The following NFIB variants were observed in gnomAD, a reference collection of about 807,000 sequenced individuals.
NFIB encodes the protein nuclear factor 1 B-type.
A neutral mutation model predicts 61.5 loss-of-function variants in NFIB; 11 were observed. The observed-to-expected ratio is 0.18, with a 90% CI of 0.11 to 0.30. The LOEUF (loss-of-function observed/expected upper bound fraction) is 0.30. Ranked by LOEUF, NFIB falls within the 10% of genes least tolerant of loss-of-function variation. The pLI is 1.00. For missense variants in NFIB, 471 were observed against 608.9 expected (o/e 0.77, Z 2.38); for synonymous variants, 260 against 216.5 (o/e 1.20, Z -1.76).
chr9:14,169,505 C>G (rs899655517), intron 3 of NFIB, among the ~76,000 whole-genome samples: 1 of 152,062 alleles, frequency 6.6e-6, no homozygotes, highest in African/African-American at 2.4e-5. Context: ...CTTCTATGAT[C>G]AATGACATTA....
At chr9:14,134,028 C>A (rs546251551) in intron 6 of NFIB, among the ~76,000 whole-genome samples, 1 of 152,266 alleles carries the variant, frequency 6.6e-6, no homozygotes, top group East Asian at 1.9e-4. Context: ...ACAAATGGAG[C>A]TATCCTGGCT....
intron 10 of NFIB, among the ~76,000 whole-genome samples, chr9:14,091,459 A>G (rs1022216850): frequency 1.1e-4 from 17 of 152,188 alleles, no homozygotes; most frequent in Non-Finnish European, 2.2e-4. Context: ...AAATAAACAC[A>G]CAAAAACAAA....
chr9:14,226,550 A>G (rs114222085), intron 2 of NFIB, among the ~76,000 whole-genome samples: 3,803 of 112,712 alleles, frequency 0.034, 70 homozygotes, highest in African/African-American at 0.072. Flanking sequence ...CCTATCTCAG[A>G]AAAAAAAAAA....
the NFIB span, among the ~76,000 whole-genome samples, chr9:14,482,730 T>C: frequency 6.6e-6 from 1 of 152,248 alleles, no homozygotes; most frequent in African/African-American, 2.4e-5. Flanking sequence ...TTTAATGTTA[T>C]TTTATTAGGA....
chr9:14,458,507 T>C, the NFIB span, among the ~76,000 whole-genome samples: 1,778 of 152,256 alleles, frequency 0.012, 37 homozygotes, highest in African/African-American at 0.04. Flanking sequence ...GTGTTGGAAG[T>C]TCTGGCCAGG....
At chr9:14,268,388 C>A (rs2057368438) in intron 2 of NFIB, among the ~76,000 whole-genome samples, 1 of 152,064 alleles carries the variant, frequency 6.6e-6, no homozygotes, top group South Asian at 2.1e-4. Context: ...TCAGCCTAGT[C>A]TCTTACAACT....
intron 1 of NFIB, among the ~76,000 whole-genome samples, chr9:14,338,775 T>C (rs2060915295): frequency 6.6e-6 from 1 of 152,064 alleles, no homozygotes; most frequent in African/African-American, 2.4e-5. Flanking sequence ...TTCTCTTTCC[T>C]TTATGTTATT....
intron 2 of NFIB, among the ~76,000 whole-genome samples, chr9:14,287,705 C>T (rs2058811486): frequency 6.6e-6 from 1 of 151,950 alleles, no homozygotes; most frequent in South Asian, 2.1e-4. Context: ...CAGGCATGAG[C>T]CACTGCGCCC....
intron 2 of NFIB, among the ~76,000 whole-genome samples, chr9:14,260,523 T>C (rs569569953): frequency 3.0e-4 from 45 of 152,362 alleles, no homozygotes; most frequent in African/African-American, 1.1e-3. Flanking sequence ...TTTCCCTAAA[T>C]CTCATGGTGC....
exon 1 of NFIB, chr9:14,398,889 A>G (rs146895106): frequency 5.4e-6 from 2 of 370,958 alleles, no homozygotes; most frequent in African/African-American, 2.1e-5. Context: ...TTGCTCCGAC[A>G]TGTGAATCTT....
At chr9:14,263,929 G>T (rs2056992947) in intron 2 of NFIB, among the ~76,000 whole-genome samples, 1 of 152,106 alleles carries the variant, frequency 6.6e-6, no homozygotes, top group South Asian at 2.1e-4. Flanking sequence ...ACTTGCTGGA[G>T]GCAAAAAAGC....
intron 2 of NFIB, among the ~76,000 whole-genome samples, chr9:14,230,293 T>C (rs973494115): frequency 2.6e-5 from 4 of 152,218 alleles, no homozygotes; most frequent in Admixed American, 6.5e-5. Flanking sequence ...CATGTCCTCA[T>C]AGAGCTTTGA....
At chr9:14,529,059 C>G in the NFIB span, among the ~76,000 whole-genome samples, 58 of 152,238 alleles carry the variant, frequency 3.8e-4, no homozygotes, top group Middle Eastern at 6.8e-3. Context: ...ATTTTAAAAA[C>G]TGAATGTAGG....
the NFIB span, among the ~76,000 whole-genome samples, chr9:14,457,987 A>G: frequency 2.6e-5 from 4 of 152,226 alleles, no homozygotes; most frequent in African/African-American, 9.6e-5. Context: ...AATCAATAGA[A>G]AAAGAGGGAA....
chr9:14,229,612 GAAGA>G (rs150769552), intron 2 of NFIB, among the ~76,000 whole-genome samples: 48 of 152,260 alleles, frequency 3.2e-4, no homozygotes, highest in African/African-American at 1.1e-3. Context: ...TGAGGAAGAA[GAAGA>G]AAGAAACAGA....
intron 2 of NFIB, among the ~76,000 whole-genome samples, chr9:14,237,287 A>AT (rs2053834582): frequency 6.6e-6 from 1 of 152,156 alleles, no homozygotes; most frequent in South Asian, 2.1e-4. Flanking sequence ...AATTTCTTTC[A>AT]TCTATCTCAT....
chr9:14,489,562 C>T, the NFIB span, among the ~76,000 whole-genome samples: 1 of 151,972 alleles, frequency 6.6e-6, no homozygotes, highest in Admixed American at 6.6e-5. Context: ...AATGAAGCTA[C>T]ACAAAAGAAG....
intron 1 of NFIB, among the ~76,000 whole-genome samples, chr9:14,353,233 G>A (rs541014052): frequency 5.1e-4 from 78 of 152,252 alleles, no homozygotes; most frequent in African/African-American, 1.8e-3. Context: ...GAGCTTCCCA[G>A]ACATGTTATT....
chr9:14,409,448 A>G, the NFIB span, among the ~76,000 whole-genome samples: 1 of 152,308 alleles, frequency 6.6e-6, no homozygotes, highest in East Asian at 1.9e-4. Flanking sequence ...GCAGTTCTAC[A>G]GTAGGATATC....
Sources: allele counts gnomAD v4.1 joint callset (sites outside exome capture counted in the v4.1 genomes callset), GRCh38; gene constraint gnomAD v4.1.1; transcripts MANE v1.5; gene names NCBI Gene and HGNC (gene_info 2026-07-23, HGNC 2026-07-21).